PDE1A: variants seen among roughly 807,000 people sequenced by gnomAD.
PDE1A encodes dual specificity calcium/calmodulin-dependent 3',5'-cyclic nucleotide phosphodiesterase 1A.
Under a neutral mutation model 61.7 loss-of-function variants are expected in PDE1A, and 35 were observed. The observed-to-expected ratio is 0.57, with a 90% confidence interval of 0.43 to 0.75. The LOEUF is 0.75. Among genes scored for constraint, PDE1A ranks in the 30% least tolerant of loss-of-function variants. The pLI is 0.00. For missense variants in PDE1A, 597 were observed against 630.6 expected, an observed-to-expected ratio of 0.95 and a Z score of 0.57; for synonymous variants, 232 against 213.2, an observed-to-expected ratio of 1.09 and a Z score of -0.77.
the PDE1A span, among the ~76,000 whole-genome samples, chr2:182,671,800 T>C: frequency 7.0e-5 from 6 of 85,556 alleles, no homozygotes; most frequent in Non-Finnish European, 1.7e-4. Flanking sequence ...TTTGTATTTT[T>C]AGTAGAGACA....
chr2:182,309,278 G>C (rs950369516), intron 1 of PDE1A, among the ~76,000 whole-genome samples: 1 of 151,952 alleles, frequency 6.6e-6, no homozygotes, highest in Admixed American at 6.6e-5. Flanking sequence ...TCAGTGTGTT[G>C]TGTTTATATT....
the PDE1A span, among the ~76,000 whole-genome samples, chr2:182,625,471 T>C: frequency 0.5 from 76,519 of 152,036 alleles, 20,097 homozygotes; most frequent in Admixed American, 0.63. Context: ...ACAATTGATA[T>C]TAAGTTCAGG....
At chr2:182,606,916 C>T in the PDE1A span, among the ~76,000 whole-genome samples, 1 of 152,182 alleles carries the variant, frequency 6.6e-6, no homozygotes, top group Non-Finnish European at 1.5e-5. Context: ...TGCACAAAGC[C>T]AGTCACTGAG....
the PDE1A span, among the ~76,000 whole-genome samples, chr2:182,543,129 T>G: frequency 2.6e-5 from 4 of 152,152 alleles, no homozygotes; most frequent in African/African-American, 9.7e-5. Flanking sequence ...AGGAGACCAC[T>G]CAAATCATGC....
At chr2:182,201,703 A>G (rs1482807680) in exon 9 of PDE1A, 3 of 1,605,238 alleles carry the variant, frequency 1.9e-6, no homozygotes, top group Admixed American at 3.4e-5. Flanking sequence ...AGGCTGCTGC[A>G]AACTGTTTCT....
chr2:182,245,751 T>C (rs1480480670), intron 2 of PDE1A, among the ~76,000 whole-genome samples: 1 of 152,236 alleles, frequency 6.6e-6, no homozygotes, highest in African/African-American at 2.4e-5. Flanking sequence ...CATTCTACTA[T>C]TGAAGGACAT....
the PDE1A span, among the ~76,000 whole-genome samples, chr2:182,692,639 G>A: frequency 6.7e-6 from 1 of 149,748 alleles, no homozygotes; most frequent in African/African-American, 2.4e-5. Flanking sequence ...TGGATGTTGT[G>A]CACATATACC....
chr2:182,394,543 C>A (rs1559414658), intron 1 of PDE1A, among the ~76,000 whole-genome samples: 1 of 138,488 alleles, frequency 7.2e-6, no homozygotes, highest in African/African-American at 2.8e-5. Flanking sequence ...AATGACCAGA[C>A]CTTTGAGGGG....
chr2:182,196,355 A>G (rs1012336976), intron 10 of PDE1A, among the ~76,000 whole-genome samples: 1 of 151,948 alleles, frequency 6.6e-6, no homozygotes, highest in African/African-American at 2.4e-5. Flanking sequence ...ACAAAAGGAT[A>G]ATACAAATCG....
the PDE1A span, among the ~76,000 whole-genome samples, chr2:182,641,291 T>C: frequency 6.6e-6 from 1 of 152,146 alleles, no homozygotes; most frequent in African/African-American, 2.4e-5. Context: ...CACCATTCTA[T>C]TTTAGTTTAG....
chr2:182,280,070 T>TA (rs1693699952), intron 1 of PDE1A, among the ~76,000 whole-genome samples: 1 of 151,968 alleles, frequency 6.6e-6, no homozygotes, highest in African/African-American at 2.4e-5. Context: ...TTTACATTTT[T>TA]ATGATCAGAC....
chr2:182,205,086 A>C (rs1686988576), intron 8 of PDE1A, among the ~76,000 whole-genome samples: 1 of 152,220 alleles, frequency 6.6e-6, no homozygotes, highest in South Asian at 2.1e-4. Flanking sequence ...AAATGAAAGC[A>C]AAAACCTTTG....
upstream of PDE1A, among the ~76,000 whole-genome samples, chr2:182,526,255 A>G (rs1415647501): frequency 6.6e-6 from 1 of 152,208 alleles, no homozygotes; most frequent in Non-Finnish European, 1.5e-5. Context: ...TATTGGAAAA[A>G]TTCCAATAAA....
At chr2:182,459,130 C>T (rs1301446475) in intron 2 of PDE1A, among the ~76,000 whole-genome samples, 2 of 152,008 alleles carry the variant, frequency 1.3e-5, no homozygotes, top group East Asian at 1.9e-4. Context: ...AATACCTATA[C>T]CTATTACTGG....
chr2:182,146,194 A>G (rs1032829624), downstream of PDE1A, among the ~76,000 whole-genome samples: 1 of 152,244 alleles, frequency 6.6e-6, no homozygotes, highest in African/African-American at 2.4e-5. Flanking sequence ...AGACTGGCTT[A>G]TCAAAAATTC....
chr2:182,531,790 T>C, the PDE1A span, among the ~76,000 whole-genome samples: 1 of 152,204 alleles, frequency 6.6e-6, no homozygotes, highest in East Asian at 1.9e-4. Context: ...CATATTGGTT[T>C]GCTGCACCCA....
chr2:182,236,504 G>A (rs979771251), intron 3 of PDE1A, among the ~76,000 whole-genome samples: 1 of 152,070 alleles, frequency 6.6e-6, no homozygotes. Flanking sequence ...GTTAATTAAC[G>A]TTAGCTCGAC....
At chr2:182,315,836 T>A (rs559592644) in intron 1 of PDE1A, among the ~76,000 whole-genome samples, 1 of 152,250 alleles carries the variant, frequency 6.6e-6, no homozygotes, top group Admixed American at 6.5e-5. Flanking sequence ...ATCTGGGAAA[T>A]TCAATATACA....
At chr2:182,403,467 C>T (rs546749784) in intron 1 of PDE1A, among the ~76,000 whole-genome samples, 7 of 151,940 alleles carry the variant, frequency 4.6e-5, no homozygotes, top group African/African-American at 1.2e-4. Flanking sequence ...TGCGTGGTGG[C>T]GGGCGCCTGT....
Sources: allele counts gnomAD v4.1 joint callset (sites outside exome capture counted in the v4.1 genomes callset), GRCh38; gene constraint gnomAD v4.1.1; transcripts MANE v1.5; gene names NCBI Gene and HGNC (gene_info 2026-07-23, HGNC 2026-07-21).